Variants in SMAD5 observed in about 807,000 individuals in gnomAD.
The protein encoded by SMAD5 is SMAD family member 5.
SMAD5 carries 9 observed loss-of-function variants against 43.1 expected under a neutral mutation model. The ratio of observed to expected loss-of-function variants is 0.21; its 90% confidence interval spans 0.13 to 0.36. The LOEUF (loss-of-function observed/expected upper bound fraction) is 0.36. Among genes scored for constraint, SMAD5 ranks in the 10% least tolerant of loss-of-function variants. SMAD5 has a pLI of 1.00. For synonymous variants in SMAD5, 190 were observed against 192.4 expected (o/e 0.99, Z 0.10); for missense variants, 348 against 574.0 (o/e 0.61, Z 4.02).
chr5:136,148,573 T>A (rs1229398368), intron 2 of SMAD5, among the ~76,000 whole-genome samples: 2 of 151,816 alleles, frequency 1.3e-5, no homozygotes, highest in African/African-American at 2.4e-5. Flanking sequence ...CCATGGGTCT[T>A]GGGGACAAAC....
At position 136,154,055 on chromosome 5, in the gene SMAD5, C is replaced by G; in HGVS notation, c.295C>G (p.Gln99Glu). The stretch of plus-strand genomic sequence containing the variant: ...TCGTGTTTGGCGCTGGCCGGATTTG[C>G]AGAGTCATCATGAGCTAAAGCCGTT... ...YCRVWRWPDL[Q>E]SHHELKPLDI... Residue 99 changes from glutamine (Q) to glutamate (E), a missense_variant, in exon 3 of 8, where the codon CAG becomes GAG. Gln to Glu is a conservative substitution (Grantham distance 29). Around this residue, in one of 5 missense-constraint regions of SMAD5, gnomAD observed 27 missense variants for 53.9 expected, o/e 0.50. Transcript: ENST00000545279. 6.2e-7 allele frequency: 1 copy of G among 1,604,126 alleles called. No individual in the cohort carries two copies.
chr5:136,145,064 G>T (rs185863802), intron 1 of SMAD5, among the ~76,000 whole-genome samples: 2 of 151,790 alleles, frequency 1.3e-5, no homozygotes, highest in Admixed American at 1.3e-4. Flanking sequence ...GCATCAGAAA[G>T]GACTTTGAGA....
In SMAD5 at chr5:136,160,979, C is replaced by G. The variant is rs1388069642; in HGVS notation, c.527C>G (p.Ser176Cys). 3.7e-6 allele frequency: 6 copies of G among 1,613,982 alleles called. No individual in the cohort carries two copies. Among genetic ancestry groups the G allele is most frequent in the Non-Finnish European group, 5.1e-6 (6 of 1,179,894 alleles). ...CCACAAAATGCCACGTTTCCAGATT[C>G]TTTCCACCAGCCCAACAACACTCCT... The part of the protein sequence containing the change: ...HMPQNATFPD[S>C]FHQPNNTPFP... Residue 176 changes from serine (S) to cysteine (C), a missense_variant, in exon 4 of 8, where the codon TCT becomes TGT. Ser to Cys is a moderately radical substitution (Grantham distance 112). Coordinates refer to ENST00000545279, the MANE Select transcript of SMAD5 (RefSeq NM_005903.7).
At chr5:136,175,509 A>G (rs1468935047) in intron 7 of SMAD5, among the ~76,000 whole-genome samples, 1 of 152,210 alleles carries the variant, frequency 6.6e-6, no homozygotes, top group Non-Finnish European at 1.5e-5. Flanking sequence ...GAACTTTTCA[A>G]GTTTTTCATC....
At chr5:136,168,527 C>T (rs1017939884) in intron 5 of SMAD5, among the ~76,000 whole-genome samples, 9 of 152,200 alleles carry the variant, frequency 5.9e-5, no homozygotes, top group Non-Finnish European at 1.2e-4. Flanking sequence ...CAGCCTCCTC[C>T]ATTATCAGCA....
chr5:136,137,331 G>T (rs1752923577), intron 1 of SMAD5, among the ~76,000 whole-genome samples: 1 of 144,470 alleles, frequency 6.9e-6, no homozygotes, highest in Admixed American at 7.1e-5. Context: ...CAATATAGAA[G>T]TTTGAAAGTG....
At chr5:136,156,720 G>T (rs1753648703) in intron 3 of SMAD5, among the ~76,000 whole-genome samples, 1 of 152,216 alleles carries the variant, frequency 6.6e-6, no homozygotes, top group African/African-American at 2.4e-5. Context: ...TATAGCCAAA[G>T]TGTGACTAGT....
intron 6 of SMAD5, 107 bp downstream of exon 6, chr5:136,172,762 G>A (rs911157952): frequency 1.7e-5 from 13 of 757,262 alleles, no homozygotes; most frequent in East Asian, 2.5e-5. Context: ...AGTTTGACAC[G>A]TGGCCTCTGC....
At chr5:136,164,253 T>C (rs1366658516) in intron 5 of SMAD5, among the ~76,000 whole-genome samples, 1 of 152,198 alleles carries the variant, frequency 6.6e-6, no homozygotes, top group Non-Finnish European at 1.5e-5. Context: ...TTATTTCTCT[T>C]GGATAGATAT....
intron 1 of SMAD5, 62 bp from the exon 2 acceptor site, chr5:136,147,770 T>G (rs2149764545): frequency 6.6e-6 from 1 of 152,016 alleles, no homozygotes; most frequent in East Asian, 1.9e-4. Flanking sequence ...TGGTTTATTA[T>G]TATTACCATT....
chr5:136,148,130 T>C (rs920262248), intron 2 of SMAD5, among the ~76,000 whole-genome samples: 5 of 151,836 alleles, frequency 3.3e-5, no homozygotes, highest in African/African-American at 4.8e-5. Flanking sequence ...TAAACATGCA[T>C]GAATTGTTAT....
chr5:136,173,095 T>C (rs901100557), intron 6 of SMAD5, among the ~76,000 whole-genome samples: 2 of 152,148 alleles, frequency 1.3e-5, no homozygotes, highest in Non-Finnish European at 2.9e-5. Context: ...GACTTGTAAG[T>C]GTTACCATGA....
intron 1 of SMAD5, among the ~76,000 whole-genome samples, chr5:136,146,408 T>C (rs1451841863): frequency 2.0e-5 from 3 of 151,744 alleles, no homozygotes; most frequent in African/African-American, 2.4e-5. Context: ...TGATTTAAAT[T>C]GAAGATAGGT....
intron 5 of SMAD5, among the ~76,000 whole-genome samples, chr5:136,168,112 A>T (rs1223426796): frequency 6.6e-6 from 1 of 152,116 alleles, no homozygotes; most frequent in East Asian, 1.9e-4. Flanking sequence ...AAGTGCTGGG[A>T]TTACCGGTGT....
At position 136,182,465 on chromosome 5, in the gene SMAD5, C is replaced by T. The variant is rs1754665490; in HGVS notation, c.*4985C>T. On this transcript the variant is annotated 3_prime_UTR_variant, in exon 8 of 8. Transcript: ENST00000545279. ...AATAGAATGTTTGTATCTACCTGCC[C>T]ACATTTTCTTAAAAAGATATTTCAT... is the stretch of plus-strand genomic sequence containing the variant. 6.6e-6 allele frequency: 1 copy of T among 152,396 alleles called. No individual in the cohort carries two copies. Among genetic ancestry groups the T allele is most frequent in the Admixed American group, 6.6e-5 (1 of 15,262 alleles). 9.4% of individuals were successfully genotyped at this position (152,396 alleles called of 1,614,324 possible). A position where few individuals can be genotyped will look rare whatever the true frequency, so the allele number is the denominator to read the frequency against.
chr5:136,165,452 GT>G (rs1261736768), intron 5 of SMAD5, among the ~76,000 whole-genome samples: 1 of 151,932 alleles, frequency 6.6e-6, no homozygotes, highest in Non-Finnish European at 1.5e-5. Flanking sequence ...TAAGTGTACA[GT>G]TCAGTGGCAT....
At chr5:136,142,379 C>A (rs1753113448) in intron 1 of SMAD5, among the ~76,000 whole-genome samples, 1 of 152,014 alleles carries the variant, frequency 6.6e-6, no homozygotes, top group African/African-American at 2.4e-5. Flanking sequence ...TCATGATATA[C>A]CGTAATTTTA....
intron 5 of SMAD5, among the ~76,000 whole-genome samples, chr5:136,165,452 G>A (rs1753965847): frequency 6.6e-6 from 1 of 151,932 alleles, no homozygotes; most frequent in Non-Finnish European, 1.5e-5. Flanking sequence ...TAAGTGTACA[G>A]TTCAGTGGCA....
intron 2 of SMAD5, among the ~76,000 whole-genome samples, chr5:136,149,832 G>C (rs1753392544): frequency 6.6e-6 from 1 of 151,852 alleles, no homozygotes; most frequent in African/African-American, 2.4e-5. Flanking sequence ...TATTTAAAGA[G>C]TTGAGTGTGA....
Sources: allele counts gnomAD v4.1 joint callset (sites outside exome capture counted in the v4.1 genomes callset), GRCh38; gene constraint gnomAD v4.1.1; regional missense constraint gnomAD v4.1.1; transcripts MANE v1.5; gene names NCBI Gene and HGNC (gene_info 2026-07-23, HGNC 2026-07-21).